BNC2: variants seen among roughly 807,000 people sequenced by gnomAD.
BNC2 encodes the protein basonuclin zinc finger protein 2, also known as zinc finger protein basonuclin-2.
A neutral mutation model predicts 76.3 loss-of-function variants in BNC2; 20 were observed. The ratio of observed to expected loss-of-function variants is 0.26; its 90% CI spans 0.18 to 0.38. BNC2 has a LOEUF of 0.38. Ranked by LOEUF, BNC2 falls within the 10% of genes least tolerant of loss-of-function variation. The pLI is 1.00. For missense variants in BNC2, 1,382 were observed against 1,399.8 expected (o/e 0.99, Z 0.20); for synonymous variants, 582 against 514.8 (o/e 1.13, Z -1.77).
intron 5 of BNC2, among the ~76,000 whole-genome samples, chr9:16,485,083 TAC>T (rs770204305): frequency 1.4e-5 from 2 of 139,614 alleles, no homozygotes; most frequent in Non-Finnish European, 3.0e-5. Flanking sequence ...CCAGAGAAAT[TAC>T]ACACACACAC....
At chr9:16,493,477 G>A (rs1431681467) in intron 5 of BNC2, among the ~76,000 whole-genome samples, 1 of 152,110 alleles carries the variant, frequency 6.6e-6, no homozygotes, top group Non-Finnish European at 1.5e-5. Flanking sequence ...TAATAAACGT[G>A]GCAACATGGT....
chr9:16,623,382 T>C (rs534427055), intron 3 of BNC2, among the ~76,000 whole-genome samples: 6 of 152,176 alleles, frequency 3.9e-5, no homozygotes, highest in Non-Finnish European at 8.8e-5. Flanking sequence ...TAAATGACGT[T>C]ATATTCTATG....
intron 3 of BNC2, among the ~76,000 whole-genome samples, chr9:16,690,419 T>G (rs1823122735): frequency 6.6e-6 from 1 of 152,150 alleles, no homozygotes. Context: ...AGTGTGCCAC[T>G]GCACTCCAGG....
chr9:16,860,373 A>G (rs1819367325), intron 1 of BNC2, among the ~76,000 whole-genome samples: 2 of 152,176 alleles, frequency 1.3e-5, no homozygotes, highest in Admixed American at 1.3e-4. Flanking sequence ...AATTCCAGAA[A>G]TAAACCCTTA....
chr9:16,744,702 G>A (rs995281150), intron 1 of BNC2, among the ~76,000 whole-genome samples: 1 of 152,178 alleles, frequency 6.6e-6, no homozygotes, highest in African/African-American at 2.4e-5. Context: ...CTTGGACACA[G>A]ACAACGTTGG....
At chr9:16,741,831 G>A (rs1824859073) in intron 1 of BNC2, among the ~76,000 whole-genome samples, 3 of 151,618 alleles carry the variant, frequency 2.0e-5, no homozygotes, top group East Asian at 2.0e-4. Context: ...GGTGGTACAC[G>A]CCTGTAGTTC....
intron 1 of BNC2, among the ~76,000 whole-genome samples, chr9:16,755,147 A>G (rs1351837068): frequency 1.3e-5 from 2 of 152,228 alleles, no homozygotes; most frequent in African/African-American, 2.4e-5. Flanking sequence ...TCTAGAAGTT[A>G]TGTGTGGAAA....
chr9:16,696,718 A>C (rs757214627), intron 3 of BNC2, among the ~76,000 whole-genome samples: 4 of 152,240 alleles, frequency 2.6e-5, no homozygotes, highest in Non-Finnish European at 4.4e-5. Flanking sequence ...TAAGGGCACC[A>C]GTGACACAAT....
chr9:16,864,811 T>C (rs1211046152), intron 1 of BNC2, among the ~76,000 whole-genome samples: 1 of 151,954 alleles, frequency 6.6e-6, no homozygotes, highest in African/African-American at 2.4e-5. Flanking sequence ...GGTTTTTCCT[T>C]GCCTTTCCAG....
At chr9:16,847,379 TCTCTCTG>T (rs1819010006) in intron 1 of BNC2, among the ~76,000 whole-genome samples, 1 of 111,418 alleles carries the variant, frequency 9.0e-6, no homozygotes, top group Admixed American at 1.1e-4. Context: ...TGTTTAAACA[TCTCTCTG>T]AAGATTTCTC....
chr9:16,631,848 A>G (rs375910321), intron 3 of BNC2, among the ~76,000 whole-genome samples: 11 of 152,202 alleles, frequency 7.2e-5, no homozygotes, highest in African/African-American at 2.7e-4. Context: ...TTCAGAAAAA[A>G]AGACAGAACA....
Position 16,436,928 on chromosome 9 carries a change from G to A in BNC2, c.1266C>T (p.Ser422=), listed in dbSNP as rs1821027984. 6.2e-7 allele frequency: 1 copy of A among 1,614,018 alleles called. No homozygotes were observed. The part of the protein sequence containing the change: ...SDLTKTEHPK[S]SFRIHRMRRM... ...TTCTCATCCGATGAATCCGGAATGA[G>A]CTTTTTGGGTGTTCAGTTTTGGTTA... Residue 422 remains serine (S), a synonymous_variant, in exon 6 of 7, where the codon AGC becomes AGT. Coordinates refer to ENST00000380672, the MANE Select transcript of BNC2 (RefSeq NM_017637.6).
chr9:16,852,353 ACTGAG>A (rs1267655857), intron 1 of BNC2, among the ~76,000 whole-genome samples: 14 of 152,198 alleles, frequency 9.2e-5, no homozygotes, highest in Non-Finnish European at 1.9e-4. Context: ...CACTATTCCA[ACTGAG>A]CTAAGCATAA....
At chr9:16,710,822 C>A (rs1489384888) in intron 3 of BNC2, among the ~76,000 whole-genome samples, 1 of 152,004 alleles carries the variant, frequency 6.6e-6, no homozygotes, top group African/African-American at 2.4e-5. Context: ...TACCCAGGTC[C>A]TTCATGCAAT....
chr9:16,486,678 T>C (rs1386962183), intron 5 of BNC2, among the ~76,000 whole-genome samples: 1 of 152,138 alleles, frequency 6.6e-6, no homozygotes, highest in Non-Finnish European at 1.5e-5. Flanking sequence ...CCTGGGTTTC[T>C]ATAGGGATGC....
At chr9:16,840,305 C>G (rs928277289) in intron 1 of BNC2, among the ~76,000 whole-genome samples, 5 of 152,176 alleles carry the variant, frequency 3.3e-5, no homozygotes, top group African/African-American at 9.7e-5. Flanking sequence ...CAGCCACATA[C>G]GCTCCTCTCC....
chr9:16,426,326 T>C (rs949878034), intron 6 of BNC2, among the ~76,000 whole-genome samples: 40 of 47,010 alleles, frequency 8.5e-4, no homozygotes, highest in Non-Finnish European at 1.5e-3. Flanking sequence ...CATGCCCAGC[T>C]TTTTTTTTTT....
intron 4 of BNC2, among the ~76,000 whole-genome samples, chr9:16,564,971 G>A (rs778639161): frequency 1.3e-5 from 2 of 151,986 alleles, no homozygotes; most frequent in Non-Finnish European, 2.9e-5. Flanking sequence ...GTAGGTCATC[G>A]TCATCCTTAA....
At chr9:16,855,480 T>A (rs1819230563) in intron 1 of BNC2, among the ~76,000 whole-genome samples, 1 of 152,348 alleles carries the variant, frequency 6.6e-6, no homozygotes, top group African/African-American at 2.4e-5. Flanking sequence ...CAATTAGAAG[T>A]CCCATGCCTA....
Sources: allele counts gnomAD v4.1 joint callset (sites outside exome capture counted in the v4.1 genomes callset), GRCh38; gene constraint gnomAD v4.1.1; transcripts MANE v1.5; gene names NCBI Gene and HGNC (gene_info 2026-07-23, HGNC 2026-07-21).